LIMS2: variants seen among roughly 807,000 people sequenced by gnomAD.
LIMS2 encodes LIM zinc finger domain containing 2, also known as LIM and senescent cell antigen-like-containing domain protein 2.
LIMS2 carries 30 observed loss-of-function variants against 45.3 expected under a neutral mutation model. That is an observed-to-expected ratio of 0.66 (90% CI 0.50 to 0.90). The LOEUF (loss-of-function observed/expected upper bound fraction) is 0.90, where lower values mean the gene tolerates loss of function less well. LIMS2 is among the 40% of genes least tolerant of loss of function. The probability of loss-of-function intolerance (pLI) is 0.00; values close to 1 mark genes in which losing one functional copy is unlikely to be tolerated. For missense variants in LIMS2, 485 were observed against 468.7 expected, an observed-to-expected ratio of 1.03 and a Z score of -0.32; for synonymous variants, 173 against 188.0, an observed-to-expected ratio of 0.92 and a Z score of 0.65.
At position 127,664,117 on chromosome 2, in the gene LIMS2, A is replaced by G. The variant is rs1222757017; in HGVS notation, c.12-6555T>C. On this transcript the variant is annotated intron_variant, in intron 1 of 9. Transcript: ENST00000355119. The surrounding 1 kb of genome is among the most constrained non-coding windows in gnomAD (Gnocchi z 5.5). ...GCACCCTGCCAGGAGAGCTGATCAC[A>G]GGTGACATCCAACCCTGTTAGATAA... is the stretch of plus-strand genomic sequence containing the variant. Among the ~76,000 whole-genome samples the G allele has an allele frequency of 6.6e-6, 1 of 152,012 alleles. No individual in the cohort carries two copies. Among genetic ancestry groups the G allele is most frequent in the African/African-American group, 2.4e-5 (1 of 41,398 alleles).
At position 127,653,365 on chromosome 2, in the gene LIMS2, C is replaced by T. The variant is rs1683995966; in HGVS notation, c.359+1059G>A. On this transcript the variant is annotated intron_variant, in intron 4 of 9. Transcript: ENST00000355119. The surrounding 1 kb of genome is among the most constrained non-coding windows in gnomAD (Gnocchi z 5.3). ...CCTTGGTGGTCAGTGGAGGAGAATC[C>T]CAAACTGCTTGTGCCTCATTGCGTT... 6.6e-6 allele frequency among the ~76,000 whole-genome samples: 1 copy of T among 152,168 alleles called. No homozygotes were observed. Among genetic ancestry groups the T allele is most frequent in the Non-Finnish European group, 1.5e-5 (1 of 68,034 alleles).
chr2:127,672,285 G>C lies in LIMS2; in HGVS notation c.11+2729C>G, dbSNP rs1685301898. Reference sequence around the variant, plus strand: ...TTCAGCTGTGATAGTCAAAGATCTTGTGGTTGTAAGTTGCAAAGTCCCTGA... The same window carrying C: ...TTCAGCTGTGATAGTCAAAGATCTTCTGGTTGTAAGTTGCAAAGTCCCTGA... On this transcript the variant is annotated intron_variant, in intron 1 of 9. Transcript: ENST00000355119. This position sits in a 1 kb window ranked among gnomAD's most constrained non-coding sequence, Gnocchi z 4.9. Among the ~76,000 whole-genome samples the C allele has an allele frequency of 6.6e-6, 1 of 152,186 alleles. No homozygotes were observed. The highest frequency in any genetic ancestry group is 1.5e-5 in the Non-Finnish European group (1 of 68,024).
At chr2:127,680,491 T>G (rs1685592198), upstream of LIMS2, among the ~76,000 whole-genome samples, 1 of 152,166 alleles carries the variant, frequency 6.6e-6, no homozygotes. Flanking sequence ...AATAAAAATA[T>G]GAGCCTGCCC....
At chr2:127,673,066 C>G (rs1200736556) in intron 1 of LIMS2, among the ~76,000 whole-genome samples, 1 of 152,198 alleles carries the variant, frequency 6.6e-6, no homozygotes, top group Non-Finnish European at 1.5e-5. Flanking sequence ...GATGTCTGTT[C>G]CTCACAGACT....
At position 127,657,507 on chromosome 2, in the gene LIMS2, A is replaced by G. The variant is rs1353708426; in HGVS notation, c.67T>C (p.Ser23Pro). The change falls in exon 2 of 10, where the codon TCC becomes CCC. Residue 23 changes from serine to proline, a missense_variant. Coordinates refer to ENST00000355119, the MANE Select transcript of LIMS2 (RefSeq NM_001161403.3). ...CTGTTGACAATGCGCTCGGCGGGGGAGAAGCGGGCCTGGCAGCGCTGGCAC... is the reference window on the plus strand; with the variant it reads ...CTGTTGACAATGCGCTCGGCGGGGGGGAAGCGGGCCTGGCAGCGCTGGCAC... ...AVCQRCQARF[S>P]PAERIVNSNG... 4.3e-6 allele frequency: 7 copies of G among 1,612,926 alleles called. No individual in the cohort carries two copies. The highest frequency in any genetic ancestry group is 1.7e-5 in the Admixed American group (1 of 59,954).
In LIMS2 at chr2:127,672,859, G is replaced by A. The variant is rs749783806; in HGVS notation, c.11+2155C>T. ...GAAGCCCTGAAGGTATGCGAGCAGA[G>A]AGGGTGTTTCCCAAAAGCAGCCTGG... On this transcript the variant is annotated intron_variant, in intron 1 of 9. Coordinates refer to ENST00000355119, the MANE Select transcript of LIMS2 (RefSeq NM_001161403.3). This position sits in a 1 kb window ranked among gnomAD's most constrained non-coding sequence, Gnocchi z 4.9. 3.2e-4 allele frequency among the ~76,000 whole-genome samples: 48 copies of A among 152,236 alleles called. No individual in the cohort carries two copies. Among genetic ancestry groups the A allele is most frequent in the Non-Finnish European group, 4.0e-4 (27 of 68,034 alleles).
At chr2:127,652,403 G>C (rs1410339281) in intron 4 of LIMS2, 1 of 167,824 alleles carries the variant, frequency 6.0e-6, no homozygotes, top group Non-Finnish European at 1.5e-5. Flanking sequence ...AACCCCCAGA[G>C]CTCTTTGACA....
At chr2:127,670,778 C>G in intron 1 of LIMS2, among the ~76,000 whole-genome samples, 1 of 152,236 alleles carries the variant, frequency 6.6e-6, no homozygotes, top group East Asian at 1.9e-4. Context: ...TGGGCAGAGG[C>G]AGAGACGGAC....
chr2:127,663,462 T>A (rs1283587893), intron 1 of LIMS2, among the ~76,000 whole-genome samples: 1 of 152,184 alleles, frequency 6.6e-6, no homozygotes, highest in African/African-American at 2.4e-5. Flanking sequence ...AAAGATATCT[T>A]TGATGGCTCA....
chr2:127,659,925 T>C (rs1379986381), intron 1 of LIMS2, among the ~76,000 whole-genome samples: 1 of 152,198 alleles, frequency 6.6e-6, no homozygotes, highest in African/African-American at 2.4e-5. Flanking sequence ...TGCTGGGACC[T>C]GTGACTTTCC....
At chr2:127,649,929 T>C (rs1683539990) in intron 4 of LIMS2, 2 of 1,169,328 alleles carry the variant, frequency 1.7e-6, no homozygotes, top group Non-Finnish European at 2.5e-6. Flanking sequence ...GTGGTGGATC[T>C]ACTCTGGGAG....
At position 127,664,175 on chromosome 2, in the gene LIMS2, G is replaced by T; in HGVS notation, c.12-6613C>A. 1 of 647,596 alleles carries T rather than the reference G, an allele frequency of 1.5e-6. No homozygotes were observed. Among genetic ancestry groups the T allele is most frequent in the Non-Finnish European group, 2.1e-6 (1 of 473,126 alleles). The allele number at this position is 647,596 out of a possible 1,614,324, so 40.1% of individuals were successfully genotyped here. ...CGCGCCCACCCTGTCGCCAACCCAG[G>T]GCCCATCCGACGCCGGGGCAGAGCC... On this transcript the variant is annotated intron_variant, in intron 1 of 9. Coordinates refer to ENST00000355119, the MANE Select transcript of LIMS2 (RefSeq NM_001161403.3). The surrounding 1 kb of genome is among the most constrained non-coding windows in gnomAD (Gnocchi z 5.5).
chr2:127,680,703 G>T (rs537060531), intron 1 of LIMS2, among the ~76,000 whole-genome samples: 252 of 152,320 alleles, frequency 1.7e-3, no homozygotes, highest in Non-Finnish European at 1.9e-3. Context: ...ATTTACTCAG[G>T]AGTAGAGGTG....
At position 127,664,996 on chromosome 2, in the gene LIMS2, G is replaced by A. The variant is rs2105331090; in HGVS notation, c.12-7434C>T. Among the ~76,000 whole-genome samples the A allele has an allele frequency of 6.6e-6, 1 of 152,308 alleles. No homozygotes were observed. The highest frequency in any genetic ancestry group is 1.5e-5 in the Non-Finnish European group (1 of 68,014). ...ACAAATGGTCAGGCACCCCAAAAGAGGTCCTTATTTTAGAGAAAAGGCAAT... is the reference window on the plus strand; with the variant it reads ...ACAAATGGTCAGGCACCCCAAAAGAAGTCCTTATTTTAGAGAAAAGGCAAT... On this transcript the variant is annotated intron_variant, in intron 1 of 9. Transcript: ENST00000355119. This position sits in a 1 kb window ranked among gnomAD's most constrained non-coding sequence, Gnocchi z 5.5.
In LIMS2 at chr2:127,644,335, T is replaced by C. The variant is rs550687351; in HGVS notation, c.360-1263A>G. Among the ~76,000 whole-genome samples, 57 of 152,110 alleles carry C rather than the reference T, an allele frequency of 3.7e-4. 1 individual carries two copies. The South Asian group carries it at 5.2e-3, about 14-fold the overall frequency. On this transcript the variant is annotated intron_variant, in intron 4 of 9. Transcript: ENST00000355119. The stretch of plus-strand genomic sequence containing the variant: ...GAGCCTCGGTGGGCATCATCTCCCC[T>C]CGACTACTGGCCAGAGCCCTGGCTC...
At position 127,653,581 on chromosome 2, in the gene LIMS2, A is replaced by C. The variant is rs1312829005; in HGVS notation, c.359+843T>G. On this transcript the variant is annotated intron_variant, in intron 4 of 9. Coordinates refer to ENST00000355119, the MANE Select transcript of LIMS2 (RefSeq NM_001161403.3). The surrounding 1 kb of genome is among the most constrained non-coding windows in gnomAD (Gnocchi z 5.3). Reference sequence around the variant, plus strand: ...GACTCCCCATGGAGAGACAGGGAGAAAGGTGACTCAGAGGAGGGGAGTGAG... The same window carrying C: ...GACTCCCCATGGAGAGACAGGGAGACAGGTGACTCAGAGGAGGGGAGTGAG... Among the ~76,000 whole-genome samples the C allele has an allele frequency of 6.6e-6, 1 of 152,126 alleles. No individual in the cohort carries two copies. Among genetic ancestry groups the C allele is most frequent in the Non-Finnish European group, 1.5e-5 (1 of 68,006 alleles).
chr2:127,664,504 G>A lies in LIMS2; in HGVS notation c.12-6942C>T, dbSNP rs1413147235. The A allele has an allele frequency of 3.5e-6, 4 of 1,156,640 alleles. No individual in the cohort carries two copies. In the East Asian group the frequency reaches 1.2e-4, roughly 36 times the overall value. 71.6% of individuals were successfully genotyped at this position (1,156,640 alleles called of 1,614,324 possible). On this transcript the variant is annotated intron_variant, in intron 1 of 9. Transcript: ENST00000355119. The surrounding 1 kb of genome is among the most constrained non-coding windows in gnomAD (Gnocchi z 5.5). The stretch of plus-strand genomic sequence containing the variant: ...GGCCAGACACCAAGACGGGACGGGC[G>A]TGTGGGCGCCTCCCCCGCGCTGGTC...
intron 4 of LIMS2, among the ~76,000 whole-genome samples, chr2:127,643,721 T>C (rs955674424): frequency 2.6e-5 from 4 of 152,214 alleles, no homozygotes; most frequent in South Asian, 2.1e-4. Flanking sequence ...TCTGTTTCCT[T>C]GGACCTCAAA....
Position 127,667,927 on chromosome 2 carries a change from A to C in LIMS2, c.11+7087T>G, listed in dbSNP as rs562136920. Among the ~76,000 whole-genome samples the C allele has an allele frequency of 1.9e-4, 29 of 152,366 alleles. No homozygotes were observed. The highest frequency in any genetic ancestry group is 3.2e-4 in the Non-Finnish European group (22 of 68,044). On this transcript the variant is annotated intron_variant, in intron 1 of 9. Transcript: ENST00000355119. This position sits in a 1 kb window ranked among gnomAD's most constrained non-coding sequence, Gnocchi z 4.1. ...ACATATTACATACTCATATATAGAAAACTCGGAAGAATCCCTCCTCAAAAA... is the reference window on the plus strand; with the variant it reads ...ACATATTACATACTCATATATAGAACACTCGGAAGAATCCCTCCTCAAAAA...
Sources: gnomAD v4.1 joint callset for allele counts (sites outside exome capture counted in the v4.1 genomes callset) on GRCh38, gnomAD v4.1.1 for gene constraint, Gnocchi (gnomAD v3.1) non-coding constraint, MANE v1.5 for transcripts, NCBI Gene and HGNC (gene_info 2026-07-23, HGNC 2026-07-21) for gene names.